The following GAB4 variants were observed in gnomAD, a reference collection of about 807,000 sequenced individuals.
GAB4 encodes GRB2 associated binding protein family member 4, also known as GRB2-associated-binding protein 4.
A neutral mutation model predicts 51.3 loss-of-function variants in GAB4; 26 were observed. The observed-to-expected ratio is 0.51, with a 90% CI of 0.37 to 0.70. The LOEUF is 0.70. Among genes scored for constraint, GAB4 ranks in the 30% least tolerant of loss-of-function variants. GAB4 has a pLI of 0.00. For missense variants in GAB4, 759 were observed against 734.6 expected (o/e 1.03, Z -0.38); for synonymous variants, 329 against 291.2 (o/e 1.13, Z -1.32).
At chr22:16,992,513 C>T (rs2060922361) in intron 1 of GAB4, among the ~76,000 whole-genome samples, 1 of 152,160 alleles carries the variant, frequency 6.6e-6, no homozygotes, top group Admixed American at 6.5e-5. Context: ...ACTCTCAAAG[C>T]CACAACACCT....
intron 1 of GAB4, among the ~76,000 whole-genome samples, chr22:17,002,766 C>G (rs547008859): frequency 6.6e-6 from 1 of 152,084 alleles, no homozygotes; most frequent in South Asian, 2.1e-4. Flanking sequence ...ACATGGCACA[C>G]GTATACATAT....
At chr22:17,000,242 G>A (rs1207662730) in intron 1 of GAB4, among the ~76,000 whole-genome samples, 1 of 152,178 alleles carries the variant, frequency 6.6e-6, no homozygotes, top group Non-Finnish European at 1.5e-5. Context: ...ACAGTGGGGT[G>A]TTAAAGTCTC....
intron 5 of GAB4, among the ~76,000 whole-genome samples, 160 bp downstream of exon 5, chr22:16,968,138 T>C (rs377327804): frequency 3.9e-5 from 6 of 152,144 alleles, no homozygotes; most frequent in African/African-American, 1.2e-4. Flanking sequence ...ATCTCACTTA[T>C]CCAAAAACTG....
rs771129845 is a variant in GAB4, at chr22:16,970,135, T to G, written c.745A>C (p.Met249Leu). Reference protein sequence around the residue: ...APFIMRRNTAMQNLAQHSGYS... With the variant: ...APFIMRRNTALQNLAQHSGYS... ...CCACTGTGCTGGGCAAGATTTTGCA[T>G]GGCTGTGTTTCTCCTCATGATGAAT... The change falls in exon 4 of 10, where the codon ATG (methionine) becomes CTG (leucine). Residue 249 changes from methionine (M) to leucine (L), a missense_variant. Physicochemically the swap from Met to Leu is conservative, Grantham distance 15. Coordinates refer to ENST00000400588, the MANE Select transcript of GAB4 (RefSeq NM_001037814.1). 1 of 1,614,138 alleles carries G rather than the reference T, an allele frequency of 6.2e-7. No individual in the cohort carries two copies.
chr22:16,966,459 G>C, intron 5 of GAB4, 95 bp from the exon 6 acceptor site: 2 of 1,313,460 alleles, frequency 1.5e-6, no homozygotes, highest in South Asian at 1.4e-5. Context: ...GTCATGACGG[G>C]GTGTTTTGAA....
intron 3 of GAB4, among the ~76,000 whole-genome samples, chr22:16,973,866 T>C (rs1258024139): frequency 5.9e-5 from 9 of 152,230 alleles, no homozygotes; most frequent in African/African-American, 1.7e-4. Flanking sequence ...GGTTTCTGGG[T>C]CTGTGTCTCT....
Position 16,965,271 on chromosome 22 carries a change from G to A in GAB4, c.1289-3C>T, listed in dbSNP as rs754046517. The A allele has an allele frequency of 1.2e-6, 2 of 1,612,938 alleles. No individual in the cohort carries two copies. Among genetic ancestry groups the A allele is most frequent in the South Asian group, 1.1e-5 (1 of 90,948 alleles). On this transcript the variant is annotated splice_region_variant and splice_polypyrimidine_tract_variant and intron_variant, in intron 6 of 9. Transcript: ENST00000400588. ...CAGGTTGGGCGGTGTTGGGTTGGCT[G>A]GAGCAGGAAAAGAACCTTGTCATCA... is the stretch of plus-strand genomic sequence containing the variant.
intron 3 of GAB4, among the ~76,000 whole-genome samples, chr22:16,972,302 C>T (rs1403994566): frequency 1.3e-5 from 2 of 152,158 alleles, no homozygotes; most frequent in African/African-American, 4.8e-5. Flanking sequence ...GTCAAGAGTG[C>T]CAGGAAAGCC....
intron 3 of GAB4, among the ~76,000 whole-genome samples, chr22:16,987,085 T>C (rs73147661): frequency 0.022 from 3,369 of 152,336 alleles, 59 homozygotes; most frequent in Middle Eastern, 0.068. Flanking sequence ...TCAAGTGAGA[T>C]TATGTATGAA....
intron 3 of GAB4, among the ~76,000 whole-genome samples, chr22:16,978,135 A>T: frequency 6.6e-6 from 1 of 152,212 alleles, no homozygotes; most frequent in East Asian, 1.9e-4. Flanking sequence ...GCGAAGCAAG[A>T]GCAAACAAAT....
intron 1 of GAB4, among the ~76,000 whole-genome samples, chr22:16,993,358 G>A (rs1444027064): frequency 2.6e-5 from 4 of 152,176 alleles, no homozygotes; most frequent in South Asian, 2.1e-4. Flanking sequence ...AAACAAACTC[G>A]AACCACTTGC....
At chr22:16,977,980 C>T (rs542191825) in intron 3 of GAB4, among the ~76,000 whole-genome samples, 61 of 119,956 alleles carry the variant, frequency 5.1e-4, no homozygotes, top group Admixed American at 2.1e-3. Flanking sequence ...TATTTGAAAC[C>T]AATGAGAACA....
intron 3 of GAB4, among the ~76,000 whole-genome samples, chr22:16,971,855 G>A (rs1486792608): frequency 6.6e-6 from 1 of 151,452 alleles, no homozygotes; most frequent in Admixed American, 6.6e-5. Context: ...CTGCCAACAT[G>A]GGCCACCGAG....
Position 16,992,031 on chromosome 22 carries a change from G to A in GAB4, c.320C>T (p.Thr107Ile), listed in dbSNP as rs1405956505. ...NLCEQLDVDV[T>I]LNFNKKEIQK... ...AATCTCCTTCTTGTTGAAGTTCAGA[G>A]TCACATCAACATCCAGCTGCTCACA... The change falls in exon 2 of 10, where the codon ACT (threonine) becomes ATT (isoleucine). Residue 107 changes from threonine to isoleucine, a missense_variant. Coordinates refer to ENST00000400588, the MANE Select transcript of GAB4 (RefSeq NM_001037814.1). The A allele has an allele frequency of 1.9e-6, 3 of 1,614,212 alleles. No individual in the cohort carries two copies. Among genetic ancestry groups the A allele is most frequent in the African/African-American group, 1.3e-5 (1 of 75,052 alleles).
chr22:17,007,900 C>T, intron 1 of GAB4, 41 bp downstream of exon 1: 1 of 1,522,658 alleles, frequency 6.6e-7, no homozygotes, highest in South Asian at 1.3e-5. Context: ...TCCCCAGACC[C>T]TCCGTGGCGC....
chr22:16,994,202 T>C (rs970185487), intron 1 of GAB4, among the ~76,000 whole-genome samples: 2 of 152,140 alleles, frequency 1.3e-5, no homozygotes, highest in Admixed American at 1.3e-4. Flanking sequence ...GTGAAATCAC[T>C]CTAATCAGGC....
In GAB4 at chr22:16,980,751, C is replaced by A. The variant is rs111566171; in HGVS notation, c.686+7209G>T. On this transcript the variant is annotated intron_variant, in intron 3 of 9. Transcript: ENST00000400588. ...TATTCACAATAGCAAAGACTTGGAA[C>A]CAACCTGGATGCCCCTCAATGATAG... 6.2e-3 allele frequency among the ~76,000 whole-genome samples: 940 copies of A among 152,236 alleles called. 3 individuals carry two copies. Among genetic ancestry groups the A allele is most frequent in the Middle Eastern group, 0.031 (9 of 294 alleles).
chr22:16,994,977 C>T (rs749147822), intron 1 of GAB4, among the ~76,000 whole-genome samples: 5 of 152,110 alleles, frequency 3.3e-5, no homozygotes, highest in Non-Finnish European at 1.5e-5. Flanking sequence ...TACTTTTTTG[C>T]ATCTATTCAG....
chr22:17,007,048 T>C (rs1484966605), intron 1 of GAB4, among the ~76,000 whole-genome samples: 1 of 152,008 alleles, frequency 6.6e-6, no homozygotes, highest in Non-Finnish European at 1.5e-5. Context: ...GAACGCAGAA[T>C]TGATCATACC....
Sources: gnomAD v4.1 joint callset for allele counts (sites outside exome capture counted in the v4.1 genomes callset) on GRCh38, gnomAD v4.1.1 for gene constraint, MANE v1.5 for transcripts, NCBI Gene and HGNC (gene_info 2026-07-23, HGNC 2026-07-21) for gene names.